SAMSN1: variants seen among roughly 807,000 people sequenced by gnomAD.
SAMSN1 encodes SAM domain-containing protein SAMSN-1.
SAMSN1 carries 31 observed loss-of-function variants against 42.0 expected under a neutral mutation model. That is an observed-to-expected ratio of 0.74 (90% confidence interval 0.55 to 1.00). The LOEUF (loss-of-function observed/expected upper bound fraction) is 1.00. SAMSN1 is among the 50% of genes least tolerant of loss of function. SAMSN1 has a pLI of 0.00. For missense variants in SAMSN1, 464 were observed against 439.4 expected (o/e 1.06, Z -0.50); for synonymous variants, 178 against 151.9 (o/e 1.17, Z -1.26).
intron 6 of SAMSN1, among the ~76,000 whole-genome samples, chr21:14,500,196 A>G (rs895521926): frequency 1.3e-5 from 2 of 152,030 alleles, no homozygotes; most frequent in Non-Finnish European, 2.9e-5. Flanking sequence ...GACTTACTTT[A>G]TTCCTTATAC....
upstream of SAMSN1, among the ~76,000 whole-genome samples, chr21:14,549,116 G>A (rs1247051371): frequency 2.6e-5 from 4 of 152,116 alleles, no homozygotes; most frequent in Admixed American, 6.6e-5. Context: ...GGGAAAGTAA[G>A]GTGAGCCATA....
At chr21:14,583,780 G>C (rs913037576), upstream of SAMSN1, 4 of 716,884 alleles carry the variant, frequency 5.6e-6, no homozygotes, top group African/African-American at 7.0e-5. Flanking sequence ...TTATGGCCTA[G>C]CACAAACACA....
At position 14,609,554 on chromosome 21, in the gene SAMSN1, TCA is replaced by T; in HGVS notation, c.248_249del (p.Val83GlufsTer2). On this transcript the variant is annotated frameshift_variant, in exon 5 of 16. Transcript: ENST00000647101. LOFTEE classifies it high-confidence loss of function. ...CTGTGTTCCTGCCAGATTTTGTCAT[TCA>T]CAGTTTTTCCTTCTAAAGTGAAGCA... 1 of 718,018 alleles carries T rather than the reference TCA, an allele frequency of 1.4e-6. No homozygotes were observed. The highest frequency in any genetic ancestry group is 2.7e-5 in the East Asian group (1 of 37,280). 44.5% of individuals were successfully genotyped at this position (718,018 alleles called of 1,614,324 possible). A position where few individuals can be genotyped will look rare whatever the true frequency, so the allele number is the denominator to read the frequency against.
intron 2 of SAMSN1, among the ~76,000 whole-genome samples, chr21:14,571,615 C>T (rs1981304300): frequency 2.0e-5 from 3 of 152,132 alleles, no homozygotes; most frequent in Admixed American, 2.0e-4. Flanking sequence ...TATATTATGA[C>T]TTTGAAATAA....
intron 2 of SAMSN1, among the ~76,000 whole-genome samples, chr21:14,569,071 A>C (rs1165874965): frequency 6.6e-6 from 1 of 152,166 alleles, no homozygotes; most frequent in Non-Finnish European, 1.5e-5. Context: ...AAAGAGGATC[A>C]CTTGAATCCA....
Position 14,573,299 on chromosome 21 carries a change from C to T in SAMSN1, c.261+8837G>A, listed in dbSNP as rs369317009. ...TTTTTTCAAAGCAGACTTTACTCCT[C>T]TGAAATAGCATTGAAAAGGATTTTT... On this transcript the variant is annotated intron_variant, in intron 2 of 8. Transcript: ENST00000285670. 2.6e-5 allele frequency among the ~76,000 whole-genome samples: 4 copies of T among 152,280 alleles called. No homozygotes were observed. In the East Asian group the frequency reaches 7.7e-4, roughly 29 times the overall value.
At chr21:14,521,603 C>CCAACAAACAAATAA (rs1428581365) in intron 1 of SAMSN1, among the ~76,000 whole-genome samples, 3 of 152,220 alleles carry the variant, frequency 2.0e-5, no homozygotes, top group African/African-American at 7.2e-5. Context: ...AACCAACCAA[C>CCAACAAACAAATAA]CAACAAACAA....
At chr21:14,621,275 T>C (rs371540475) in intron 2 of SAMSN1, among the ~76,000 whole-genome samples, 128 of 152,320 alleles carry the variant, frequency 8.4e-4, no homozygotes, top group African/African-American at 3.0e-3. Flanking sequence ...TCTGAGGTAC[T>C]GGGTTCATCT....
At chr21:14,635,053 C>T (rs1488886435) in intron 2 of SAMSN1, among the ~76,000 whole-genome samples, 3 of 152,086 alleles carry the variant, frequency 2.0e-5, no homozygotes, top group Non-Finnish European at 4.4e-5. Flanking sequence ...AAGCTGGAAG[C>T]CATTATCCTC....
chr21:14,530,450 T>A (rs778396431), intron 1 of SAMSN1, among the ~76,000 whole-genome samples: 4 of 152,098 alleles, frequency 2.6e-5, no homozygotes, highest in Non-Finnish European at 4.4e-5. Flanking sequence ...AAAAAATGTG[T>A]CTAGTATCTA....
intron 3 of SAMSN1, 147 bp downstream of exon 3, chr21:14,516,745 C>A: frequency 1.6e-6 from 1 of 615,916 alleles, no homozygotes; most frequent in Non-Finnish European, 2.7e-6. Context: ...AGTAATACTT[C>A]CTTCCACCCA....
chr21:14,588,367 T>A (rs1981987007), upstream of SAMSN1, among the ~76,000 whole-genome samples: 1 of 138,650 alleles, frequency 7.2e-6, no homozygotes, highest in African/African-American at 2.6e-5. Context: ...CCACCAACAG[T>A]GTAAAAGTGT....
intron 5 of SAMSN1, among the ~76,000 whole-genome samples, chr21:14,507,761 A>G (rs1411630278): frequency 1.3e-5 from 2 of 152,172 alleles, no homozygotes; most frequent in Non-Finnish European, 2.9e-5. Flanking sequence ...GAGCAAAAAG[A>G]ACAAATCTGG....
chr21:14,590,754 CAAAAT>C (rs1487481214), intron 7 of SAMSN1, among the ~76,000 whole-genome samples: 1 of 152,116 alleles, frequency 6.6e-6, no homozygotes, highest in African/African-American at 2.4e-5. Flanking sequence ...CATGGTAAAA[CAAAAT>C]AAAGAAGAGG....
At chr21:14,620,462 G>C (rs1982974520) in intron 2 of SAMSN1, among the ~76,000 whole-genome samples, 1 of 152,112 alleles carries the variant, frequency 6.6e-6, no homozygotes, top group Non-Finnish European at 1.5e-5. Context: ...CCTCACAGTG[G>C]TTTGACTATG....
At chr21:14,533,090 T>C (rs1312534579) in intron 1 of SAMSN1, among the ~76,000 whole-genome samples, 2 of 152,000 alleles carry the variant, frequency 1.3e-5, no homozygotes, top group Non-Finnish European at 2.9e-5. Flanking sequence ...CTTTTATTTT[T>C]TTTATTTTTT....
intron 2 of SAMSN1, among the ~76,000 whole-genome samples, chr21:14,579,524 C>A (rs1981628090): frequency 6.6e-6 from 1 of 151,994 alleles, no homozygotes; most frequent in Non-Finnish European, 1.5e-5. Flanking sequence ...TATGCTTTAT[C>A]TGGATCTATG....
upstream of SAMSN1, chr21:14,658,875 T>A (rs1166352546): frequency 1.5e-6 from 1 of 684,110 alleles, no homozygotes; most frequent in Non-Finnish European, 2.7e-6. Flanking sequence ...CATGGGAGAT[T>A]ATTACAAAGT....
intron 3 of SAMSN1, chr21:14,615,907 C>T: frequency 2.4e-6 from 1 of 422,440 alleles, no homozygotes. Context: ...GCACGAAGTC[C>T]ACTAAAAATT....
Sources: allele counts gnomAD v4.1 joint callset (sites outside exome capture counted in the v4.1 genomes callset), GRCh38; gene constraint gnomAD v4.1.1; transcripts MANE v1.5; gene names NCBI Gene and HGNC (gene_info 2026-07-23, HGNC 2026-07-21).